LAMB1: variants seen among roughly 807,000 people sequenced by gnomAD.
LAMB1 encodes the protein laminin subunit beta-1.
LAMB1 carries 121 observed loss-of-function variants against 222.3 expected under a neutral mutation model. The ratio of observed to expected loss-of-function variants is 0.54; its 90% CI spans 0.47 to 0.63. LAMB1 has a LOEUF of 0.63. Ranked by LOEUF, LAMB1 falls within the 30% of genes least tolerant of loss-of-function variation. The probability of loss-of-function intolerance (pLI) is 0.00; values close to 1 mark genes in which losing one functional copy is unlikely to be tolerated. For synonymous variants in LAMB1, 794 were observed against 807.2 expected (o/e 0.98, Z 0.28); for missense variants, 2,172 against 2,240.8 (o/e 0.97, Z 0.62).
At chr7:107,979,876 T>A (rs2033939340) in intron 8 of LAMB1, among the ~76,000 whole-genome samples, 1 of 152,056 alleles carries the variant, frequency 6.6e-6, no homozygotes, top group African/African-American at 2.4e-5. Flanking sequence ...GAGTTTGAGA[T>A]CAGCCTGACC....
At chr7:107,973,683 T>C (rs891212365) in intron 12 of LAMB1, among the ~76,000 whole-genome samples, 2 of 152,178 alleles carry the variant, frequency 1.3e-5, no homozygotes, top group Non-Finnish European at 2.9e-5. Context: ...TCTTGCTCTG[T>C]TGCCCAGGCT....
chr7:107,985,362 G>A (rs4727696), intron 7 of LAMB1, among the ~76,000 whole-genome samples: 19,375 of 152,170 alleles, frequency 0.13, 1,266 homozygotes, highest in Admixed American at 0.17. Flanking sequence ...GCTGGTTCAC[G>A]CCTGTAATCC....
intron 27 of LAMB1, among the ~76,000 whole-genome samples, chr7:107,934,644 A>AC (rs1398278454): frequency 1.3e-5 from 2 of 152,188 alleles, no homozygotes; most frequent in African/African-American, 4.8e-5. Flanking sequence ...GAACAAAGGA[A>AC]CATAATAGCT....
At position 108,001,860 on chromosome 7, in the gene LAMB1, G is replaced by T. The variant is rs537683720; in HGVS notation, c.38-127C>A. ...CAGTCCATTCGGAAGAAAGCAAAAT[G>T]CACAGAAAAGACAATGGAGAGATGA... On this transcript the variant is annotated intron_variant, in intron 2 of 33. Transcript: ENST00000222399. The T allele has an allele frequency of 2.9e-5, 43 of 1,501,148 alleles. No individual in the cohort carries two copies. In the East Asian group the frequency reaches 1.0e-3, roughly 35 times the overall value. 93.0% of individuals were successfully genotyped at this position (1,501,148 alleles called of 1,614,324 possible). A position where few individuals can be genotyped will look rare whatever the true frequency, so the allele number is the denominator to read the frequency against.
At chr7:107,937,851 G>A (rs777628371) in intron 25 of LAMB1, among the ~76,000 whole-genome samples, 55 of 152,062 alleles carry the variant, frequency 3.6e-4, no homozygotes, top group Admixed American at 9.9e-4. Flanking sequence ...TTTTTTATAA[G>A]AAAATAGCAT....
At chr7:107,991,580 T>C (rs1462391122) in intron 5 of LAMB1, among the ~76,000 whole-genome samples, 6 of 139,050 alleles carry the variant, frequency 4.3e-5, no homozygotes, top group Non-Finnish European at 6.2e-5. Context: ...AGAGTGAAAC[T>C]CCATCCTCAA....
intron 27 of LAMB1, 32 bp downstream of exon 27, chr7:107,935,383 C>T: frequency 1.6e-6 from 2 of 1,217,504 alleles, no homozygotes; most frequent in Non-Finnish European, 2.3e-6. Flanking sequence ...TGCTTGGCAC[C>T]ATAGCAGTAA....
Position 107,923,953 on chromosome 7 carries a change from A to G in LAMB1, c.5359T>C (p.Ter1787GlnextTer8). 6.2e-7 allele frequency: 1 copy of G among 1,605,616 alleles called. No homozygotes were observed. The highest frequency in any genetic ancestry group is 8.5e-7 in the Non-Finnish European group (1 of 1,177,742). Residue 1787 changes from the stop codon to glutamine (Q), a stop_lost, in exon 34 of 34, where the codon TAA becomes CAA. Transcript: ENST00000222399. ...QKVAVYSTCL[*>Q] ...CAGCCATTTTTTATTCTCCTCTGTT[A>G]CAAGCATGTGCTATACACAGCAACT...
chr7:107,934,888 A>G (rs2032801123), intron 27 of LAMB1, among the ~76,000 whole-genome samples: 1 of 111,932 alleles, frequency 8.9e-6, no homozygotes, highest in African/African-American at 3.5e-5. Context: ...CAACGTAGTG[A>G]GACTCCATCT....
At chr7:107,941,365 T>C (rs1425809877) in intron 24 of LAMB1, among the ~76,000 whole-genome samples, 1 of 152,218 alleles carries the variant, frequency 6.6e-6, no homozygotes, top group Non-Finnish European at 1.5e-5. Context: ...ATCGCTGGGC[T>C]TCCACCCATT....
chr7:107,999,823 T>TCC (rs1192814242), intron 3 of LAMB1: 1 of 143,480 alleles, frequency 7.0e-6, no homozygotes, highest in Admixed American at 7.0e-5. Flanking sequence ...CCTCTTACTC[T>TCC]CCCAAAGGAA....
intron 26 of LAMB1, 117 bp downstream of exon 26, chr7:107,936,976 G>T (rs959012476): frequency 2.4e-6 from 2 of 836,918 alleles, no homozygotes; most frequent in Non-Finnish European, 3.7e-6. Flanking sequence ...AACTGGATGA[G>T]CAAAAGTTTT....
chr7:107,924,839 A>T (rs2032522708), intron 32 of LAMB1, among the ~76,000 whole-genome samples: 1 of 152,192 alleles, frequency 6.6e-6, no homozygotes, highest in African/African-American at 2.4e-5. Context: ...TACAGGAAGG[A>T]AAGGTGAGAT....
chr7:107,975,069 G>T lies in LAMB1; in HGVS notation c.1399C>A (p.Pro467Thr). 1.2e-6 allele frequency: 2 copies of T among 1,612,650 alleles called. No individual in the cohort carries two copies. Among genetic ancestry groups the T allele is most frequent in the Non-Finnish European group, 1.7e-6 (2 of 1,178,724 alleles). Residue 467 changes from proline (P) to threonine (T), a missense_variant, in exon 12 of 34, where the codon CCT becomes ACT. Transcript: ENST00000222399. ...TCGGAATCACAAGGATTCCCTCCAGGAATTGTTCCCAGAGGATTGCAAGCA... is the reference window on the plus strand; with the variant it reads ...TCGGAATCACAAGGATTCCCTCCAGTAATTGTTCCCAGAGGATTGCAAGCA... The part of the protein sequence containing the change: ...SCACNPLGTI[P>T]GGNPCDSETG...
intron 12 of LAMB1, among the ~76,000 whole-genome samples, chr7:107,973,554 C>A (rs1042914684): frequency 6.6e-6 from 1 of 152,122 alleles, no homozygotes; most frequent in African/African-American, 2.4e-5. Flanking sequence ...ATCTTTAGAG[C>A]ACCAGAGATG....
At chr7:107,934,701 G>GC (rs2032796740) in intron 27 of LAMB1, among the ~76,000 whole-genome samples, 1 of 152,074 alleles carries the variant, frequency 6.6e-6, no homozygotes, top group Non-Finnish European at 1.5e-5. Context: ...TTTAATGGAA[G>GC]CCCCTTCTAG....
chr7:107,969,205 A>G (rs1214592925), intron 13 of LAMB1, among the ~76,000 whole-genome samples: 2 of 151,458 alleles, frequency 1.3e-5, no homozygotes, highest in African/African-American at 2.4e-5. Context: ...GGAGAATGGC[A>G]TGAACCTGGG....
chr7:107,937,116 A>G lies in LAMB1; in HGVS notation c.3923T>C (p.Phe1308Ser). Residue 1308 changes from phenylalanine (F) to serine (S), a missense_variant, in exon 26 of 34, where the codon TTT becomes TCT. Coordinates refer to ENST00000222399, the MANE Select transcript of LAMB1 (RefSeq NM_002291.3). ...ACCCCGAATATCTGAGTTTTTGATA[A>G]ATTCCAGTTGTTCAGCAAGTTCTTT... ...TVKELAEQLEFIKNSDIRGAL... is the reference protein window; with the variant it reads ...TVKELAEQLESIKNSDIRGAL... 1 of 1,613,774 alleles carries G rather than the reference A, an allele frequency of 6.2e-7. No individual in the cohort carries two copies. The highest frequency in any genetic ancestry group is 1.3e-5 in the African/African-American group (1 of 75,022).
chr7:107,959,644 C>A, intron 19 of LAMB1, 47 bp downstream of exon 19: 1 of 1,614,154 alleles, frequency 6.2e-7, no homozygotes, highest in Non-Finnish European at 8.5e-7. Flanking sequence ...GCCACAATGG[C>A]TGAGTTAATC....
Sources: gnomAD v4.1 joint callset for allele counts (sites outside exome capture counted in the v4.1 genomes callset) on GRCh38, gnomAD v4.1.1 for gene constraint, MANE v1.5 for transcripts, NCBI Gene and HGNC (gene_info 2026-07-23, HGNC 2026-07-21) for gene names.